Variants in FANK1 observed in about 807,000 individuals in gnomAD.
The protein encoded by FANK1 is fibronectin type 3 and ankyrin repeat domains protein 1.
In FANK1, 44 loss-of-function variants were observed where a neutral mutation model predicts 45.3. That is an observed-to-expected ratio of 0.97 (90% CI 0.76 to 1.25). The LOEUF is 1.25. FANK1 is among the 50% of genes most tolerant of loss of function. FANK1 has a pLI of 0.00. For synonymous variants in FANK1, 149 were observed against 152.5 expected (o/e 0.98, Z 0.17); for missense variants, 391 against 424.4 (o/e 0.92, Z 0.69).
chr10:125,972,554 C>G (rs746713618), intron 1 of FANK1, among the ~76,000 whole-genome samples: 9 of 152,142 alleles, frequency 5.9e-5, no homozygotes, highest in Non-Finnish European at 1.0e-4. Context: ...TTTTGGCATT[C>G]TGAAAATAAC....
chr10:125,923,439 C>T (rs76014834), intron 1 of FANK1, among the ~76,000 whole-genome samples: 362 of 147,260 alleles, frequency 2.5e-3, no homozygotes, highest in African/African-American at 7.9e-3. Flanking sequence ...CCAGCCTGGG[C>T]GACAGAATGA....
intron 3 of FANK1, among the ~76,000 whole-genome samples, chr10:125,992,808 T>C (rs1409932942): frequency 1.3e-5 from 2 of 152,096 alleles, no homozygotes; most frequent in Admixed American, 1.3e-4. Context: ...CCTTAGAACT[T>C]TCCTTAACAT....
intron 1 of FANK1, among the ~76,000 whole-genome samples, chr10:125,898,877 C>T (rs937377159): frequency 6.7e-6 from 1 of 149,774 alleles, no homozygotes; most frequent in African/African-American, 2.5e-5. Flanking sequence ...ATTCAATCAC[C>T]ATTTAGCTCA....
At chr10:125,998,870 G>A (rs1564964686) in intron 6 of FANK1, among the ~76,000 whole-genome samples, 1 of 152,194 alleles carries the variant, frequency 6.6e-6, no homozygotes, top group Non-Finnish European at 1.5e-5. Context: ...TCTGTGGCTT[G>A]ACTATTCGAC....
chr10:126,000,560 C>T (rs982868009), intron 6 of FANK1, among the ~76,000 whole-genome samples: 1 of 151,758 alleles, frequency 6.6e-6, no homozygotes. Context: ...ATAGCGTGTA[C>T]CAAAATAAAT....
At chr10:125,918,207 G>T (rs1203476012) in intron 1 of FANK1, among the ~76,000 whole-genome samples, 1 of 152,300 alleles carries the variant, frequency 6.6e-6, no homozygotes, top group Non-Finnish European at 1.5e-5. Flanking sequence ...ATGGATGGTG[G>T]TGATGGTTGT....
intron 1 of FANK1, among the ~76,000 whole-genome samples, chr10:125,946,249 C>G (rs1199723029): frequency 6.6e-6 from 1 of 151,894 alleles, no homozygotes; most frequent in Non-Finnish European, 1.5e-5. Flanking sequence ...CGGAACAAAG[C>G]TGGATGGAGA....
intron 7 of FANK1, among the ~76,000 whole-genome samples, chr10:126,005,901 T>C (rs1953161543): frequency 6.6e-6 from 1 of 152,134 alleles, no homozygotes; most frequent in Non-Finnish European, 1.5e-5. Flanking sequence ...AGTGGTCTAC[T>C]TTTGATTTCA....
chr10:125,920,070 G>A (rs1223059821), intron 1 of FANK1, among the ~76,000 whole-genome samples: 8 of 152,190 alleles, frequency 5.3e-5, no homozygotes, highest in African/African-American at 1.9e-4. Context: ...GGACTTGGGA[G>A]ATGACTCCTG....
chr10:125,997,484 A>G lies in FANK1; in HGVS notation c.538A>G (p.Ser180Gly), dbSNP rs756782038. ...TCTGAAGAATGGAAGTGGCAAGGAC[A>G]GGTAGGAGGTGGGATATGACTGAAA... Reference protein sequence around the residue: ...VNLKNGSGKDSLMLACYAGHL... With the variant: ...VNLKNGSGKDGLMLACYAGHL... The change falls in exon 6 of 11, where the codon AGT becomes GGT. Residue 180 changes from serine to glycine, a missense_variant and splice_region_variant. Ser to Gly is a moderately conservative substitution (Grantham distance 56). Transcript: ENST00000368693. 2.2e-5 allele frequency: 36 copies of G among 1,613,342 alleles called. 5 individuals carry two copies. In the South Asian group the frequency reaches 3.8e-4, roughly 17 times the overall value.
chr10:126,000,112 G>C (rs1018774568), intron 6 of FANK1, among the ~76,000 whole-genome samples: 4 of 152,112 alleles, frequency 2.6e-5, no homozygotes, highest in African/African-American at 9.7e-5. Context: ...CTTACTGAGA[G>C]ATATAAAAAT....
chr10:126,001,908 A>G (rs1369434570), intron 6 of FANK1, among the ~76,000 whole-genome samples: 1 of 152,054 alleles, frequency 6.6e-6, no homozygotes, highest in African/African-American at 2.4e-5. Flanking sequence ...ATTCAACAGA[A>G]TCTTAAGAGT....
chr10:125,914,508 T>C (rs1470112407), intron 1 of FANK1, among the ~76,000 whole-genome samples: 1 of 152,136 alleles, frequency 6.6e-6, no homozygotes, highest in Non-Finnish European at 1.5e-5. Context: ...CACACCTCAG[T>C]GATTAGTGAA....
At chr10:125,959,413 CAAA>C (rs767754151) in intron 1 of FANK1, among the ~76,000 whole-genome samples, 2 of 74,710 alleles carry the variant, frequency 2.7e-5, no homozygotes, top group Non-Finnish European at 4.9e-5. Flanking sequence ...GACTCTGTCT[CAAA>C]AAAAAAAAAA....
chr10:125,915,330 C>T (rs1272149798), intron 1 of FANK1, among the ~76,000 whole-genome samples: 1 of 151,896 alleles, frequency 6.6e-6, no homozygotes, highest in Non-Finnish European at 1.5e-5. Context: ...AAAAGGGAAC[C>T]CAAAGGGACG....
intron 1 of FANK1, among the ~76,000 whole-genome samples, chr10:125,967,012 T>C: frequency 6.6e-6 from 1 of 152,214 alleles, no homozygotes; most frequent in East Asian, 1.9e-4. Context: ...TCGTACCCTT[T>C]CCTTAGTATA....
At chr10:125,902,619 A>G (rs1216325550) in intron 1 of FANK1, among the ~76,000 whole-genome samples, 10 of 152,354 alleles carry the variant, frequency 6.6e-5, no homozygotes, top group African/African-American at 2.4e-4. Context: ...ATGGTGTCCC[A>G]TTTTCTTTTC....
intron 3 of FANK1, among the ~76,000 whole-genome samples, chr10:125,991,553 T>C (rs1192099002): frequency 6.6e-6 from 1 of 152,224 alleles, no homozygotes; most frequent in Non-Finnish European, 1.5e-5. Context: ...AAAATGCTTC[T>C]GTGTGGTGGT....
intron 1 of FANK1, among the ~76,000 whole-genome samples, chr10:125,955,098 GT>G (rs762356070): frequency 0.017 from 2,497 of 142,702 alleles, 56 homozygotes; most frequent in African/African-American, 0.054. Context: ...AATGCTCAAA[GT>G]TTTTTTTTTT....
Sources: gnomAD v4.1 joint callset for allele counts (sites outside exome capture counted in the v4.1 genomes callset) on GRCh38, gnomAD v4.1.1 for gene constraint, MANE v1.5 for transcripts, NCBI Gene and HGNC (gene_info 2026-07-23, HGNC 2026-07-21) for gene names.